The following FILIP1 variants were observed in gnomAD, a reference collection of about 807,000 sequenced individuals.
The protein encoded by FILIP1 is filamin A interacting protein 1, also known as filamin-A-interacting protein 1.
In FILIP1, 61 loss-of-function variants were observed where a neutral mutation model predicts 102.1. The ratio of observed to expected loss-of-function variants is 0.60; its 90% CI spans 0.49 to 0.74. The LOEUF is 0.74. Among genes scored for constraint, FILIP1 ranks in the 30% least tolerant of loss-of-function variants. The pLI, the probability that FILIP1 is intolerant of heterozygous loss-of-function variation, is 0.00. For synonymous variants in FILIP1, 491 were observed against 526.9 expected, an observed-to-expected ratio of 0.93 and a Z score of 0.93; for missense variants, 1,314 against 1,441.2, an observed-to-expected ratio of 0.91 and a Z score of 1.43.
In FILIP1 at chr6:75,314,256, C is replaced by G. The variant is rs776360054; in HGVS notation, c.1576G>C (p.Val526Leu). Reference protein sequence around the residue: ...MEKIKQEERKVDGLNKNFKVE... With the variant: ...MEKIKQEERKLDGLNKNFKVE... ...TTAAAATTTTTATTGAGTCCATCCA[C>G]TTTTCTCTCTTCTTGTTTTATTTTT... Residue 526 changes from valine to leucine, a missense_variant, in exon 5 of 6, where the codon GTG becomes CTG. This residue lies in a region of FILIP1 where 816 missense variants were observed against 913.1 expected (regional missense o/e 0.89). Transcript: ENST00000237172. The G allele has an allele frequency of 6.4e-7, 1 of 1,556,702 alleles. No individual in the cohort carries two copies. The highest frequency in any genetic ancestry group is 2.3e-5 in the Admixed American group (1 of 43,132).
intron 4 of FILIP1, among the ~76,000 whole-genome samples, chr6:75,335,911 G>A (rs1019124589): frequency 6.6e-6 from 1 of 152,108 alleles, no homozygotes; most frequent in African/African-American, 2.4e-5. Context: ...CCTCTCAATA[G>A]CCTGAACTGA....
chr6:75,306,439 G>A (rs147237223), downstream of FILIP1, among the ~76,000 whole-genome samples: 38 of 152,242 alleles, frequency 2.5e-4, no homozygotes, highest in East Asian at 5.4e-3. Flanking sequence ...AAAGGAATGC[G>A]GTGTTTGGTT....
At chr6:75,324,093 G>A (rs982332597) in intron 4 of FILIP1, among the ~76,000 whole-genome samples, 1 of 152,046 alleles carries the variant, frequency 6.6e-6, no homozygotes, top group African/African-American at 2.4e-5. Flanking sequence ...ACTAATACAG[G>A]AAGTCAAACT....
rs140260261 is a variant in FILIP1, at chr6:75,349,183, A to G, written c.629+4356T>C. 2.6e-3 allele frequency among the ~76,000 whole-genome samples: 399 copies of G among 152,290 alleles called. 1 individual carries two copies. Among genetic ancestry groups the G allele is most frequent in the African/African-American group, 9.2e-3 (383 of 41,568 alleles). Reference sequence around the variant, plus strand: ...GATTCAAACAACATCAAACATCTGAATCTGGATGGCTTATCAACAGCTACT... The same window carrying G: ...GATTCAAACAACATCAAACATCTGAGTCTGGATGGCTTATCAACAGCTACT... On this transcript the variant is annotated intron_variant, in intron 4 of 5. Coordinates refer to ENST00000237172, the MANE Select transcript of FILIP1 (RefSeq NM_015687.5).
At chr6:75,298,499 A>C (rs571815356) in intron 6 of FILIP1, among the ~76,000 whole-genome samples, 1 of 152,344 alleles carries the variant, frequency 6.6e-6, no homozygotes, top group African/African-American at 2.4e-5. Flanking sequence ...CTATTAATTG[A>C]AACTTATTAA....
intron 1 of FILIP1, among the ~76,000 whole-genome samples, chr6:75,448,686 T>C (rs1778519536): frequency 6.6e-6 from 1 of 152,266 alleles, no homozygotes; most frequent in South Asian, 2.1e-4. Flanking sequence ...GCTAAGGGCA[T>C]GAATGGACAA....
chr6:75,312,402 A>G lies in FILIP1; in HGVS notation c.3430T>C (p.Ser1144Pro). 6.2e-7 allele frequency: 1 copy of G among 1,612,810 alleles called. No homozygotes were observed. The highest frequency in any genetic ancestry group is 8.5e-7 in the Non-Finnish European group (1 of 1,179,312). Residue 1144 changes from serine to proline, a missense_variant, in exon 5 of 6, where the codon TCA (serine) becomes CCA (proline). Physicochemically the swap from Ser to Pro is moderately conservative, Grantham distance 74 (BLOSUM62 -1). Around this residue, in one of 3 missense-constraint regions of FILIP1, gnomAD observed 816 missense variants for 913.1 expected, o/e 0.89. Coordinates refer to ENST00000237172, the MANE Select transcript of FILIP1 (RefSeq NM_015687.5). ...VTTSSARGTQ[S>P]VSGQDGSSQR... The stretch of plus-strand genomic sequence containing the variant: ...TTGGAGCCTCTTCTACTCACCACTG[A>G]CTGGGTTCCTCGAGCAGATGACGTT...
At chr6:75,346,312 T>G (rs918291748) in intron 4 of FILIP1, among the ~76,000 whole-genome samples, 2 of 152,232 alleles carry the variant, frequency 1.3e-5, no homozygotes, top group Non-Finnish European at 2.9e-5. Flanking sequence ...ATAACCCATT[T>G]TCCTAGGCAT....
chr6:75,464,799 TCCTGTAG>T (rs1779117595), intron 1 of FILIP1, among the ~76,000 whole-genome samples: 1 of 152,200 alleles, frequency 6.6e-6, no homozygotes, highest in Non-Finnish European at 1.5e-5. Context: ...TATCTGGTCC[TCCTGTAG>T]CCTTCCCCAC....
At chr6:75,372,718 GAAAGA>G (rs1775596861) in intron 2 of FILIP1, among the ~76,000 whole-genome samples, 2 of 48,594 alleles carry the variant, frequency 4.1e-5, no homozygotes, top group African/African-American at 1.2e-4. Context: ...AGAAAGGAAA[GAAAGA>G]GAAAGAGAAA....
At chr6:75,396,901 G>A (rs539204926) in intron 2 of FILIP1, among the ~76,000 whole-genome samples, 39 of 151,326 alleles carry the variant, frequency 2.6e-4, no homozygotes, top group African/African-American at 8.5e-4. Flanking sequence ...AGGCTGACAC[G>A]TTATGCCAAA....
At chr6:75,492,043 T>C (rs1016284136) in intron 1 of FILIP1, among the ~76,000 whole-genome samples, 7 of 152,180 alleles carry the variant, frequency 4.6e-5, no homozygotes, top group Non-Finnish European at 2.9e-5. Context: ...CAAAGATATT[T>C]CATCTCTACT....
chr6:75,349,026 G>T (rs540651835), intron 4 of FILIP1, among the ~76,000 whole-genome samples: 5 of 152,322 alleles, frequency 3.3e-5, no homozygotes, highest in Non-Finnish European at 7.3e-5. Flanking sequence ...GTCCAAAAGT[G>T]CTAGAGTAGT....
chr6:75,489,834 T>C (rs1024630426), intron 1 of FILIP1, among the ~76,000 whole-genome samples: 1 of 152,126 alleles, frequency 6.6e-6, no homozygotes, highest in Non-Finnish European at 1.5e-5. Flanking sequence ...TAAAAAAATG[T>C]AAAAATGAAT....
downstream of FILIP1, among the ~76,000 whole-genome samples, chr6:75,305,126 G>A (rs1234278619): frequency 1.3e-5 from 2 of 152,218 alleles, no homozygotes; most frequent in East Asian, 3.9e-4. Context: ...AGACAGAAAG[G>A]AAACATTATC....
At chr6:75,438,155 T>G (rs1778086981) in intron 1 of FILIP1, among the ~76,000 whole-genome samples, 1 of 152,202 alleles carries the variant, frequency 6.6e-6, no homozygotes, top group African/African-American at 2.4e-5. Flanking sequence ...TGCCTGCTAG[T>G]GGTCTTTTGG....
intron 1 of FILIP1, among the ~76,000 whole-genome samples, chr6:75,456,782 T>A (rs1409112151): frequency 1.3e-5 from 2 of 152,110 alleles, no homozygotes; most frequent in African/African-American, 4.8e-5. Context: ...ATGGTCTCGA[T>A]CTCTTGACCT....
Position 75,326,068 on chromosome 6 carries a change from TGATA to T in FILIP1, c.630-10870_630-10867del, listed in dbSNP as rs776226164. On this transcript the variant is annotated intron_variant, in intron 4 of 5. Transcript: ENST00000237172. ...ATATAGATAATAGACAGATGATAGA[TGATA>T]GATAGATAGATAGATAGATAGATTA... is the stretch of plus-strand genomic sequence containing the variant. Among the ~76,000 whole-genome samples the T allele has an allele frequency of 3.3e-3, 491 of 149,186 alleles. 2 individuals carry two copies. The highest frequency in any genetic ancestry group is 0.012 in the South Asian group (58 of 4,688).
chr6:75,377,714 G>A (rs1208805254), intron 2 of FILIP1, among the ~76,000 whole-genome samples: 1 of 152,052 alleles, frequency 6.6e-6, no homozygotes, highest in Non-Finnish European at 1.5e-5. Context: ...GTGTATGTGT[G>A]GATCCTACTT....
Sources: allele counts gnomAD v4.1 joint callset (sites outside exome capture counted in the v4.1 genomes callset), GRCh38; gene constraint gnomAD v4.1.1; regional missense constraint gnomAD v4.1.1; transcripts MANE v1.5; gene names NCBI Gene and HGNC (gene_info 2026-07-23, HGNC 2026-07-21).